MREG: variants seen among roughly 807,000 people sequenced by gnomAD.
MREG encodes the protein melanoregulin, also known as dilute suppressor protein homolog.
Under a neutral mutation model 28.5 loss-of-function variants are expected in MREG, and 31 were observed. The observed-to-expected ratio is 1.09, with a 90% CI of 0.82 to 1.47. The LOEUF is 1.47. MREG is among the 40% of genes most tolerant of loss of function. The probability of loss-of-function intolerance (pLI) is 0.00; values close to 1 mark genes in which losing one functional copy is unlikely to be tolerated. For missense variants in MREG, 256 were observed against 257.4 expected (o/e 0.99, Z 0.04); for synonymous variants, 106 against 95.2 (o/e 1.11, Z -0.66).
intron 2 of MREG, among the ~76,000 whole-genome samples, chr2:215,973,020 T>G (rs546776417): frequency 1.3e-5 from 2 of 152,210 alleles, no homozygotes; most frequent in South Asian, 4.2e-4. Flanking sequence ...AATATGAGTG[T>G]TGGGGTCCTT....
At chr2:216,002,177 T>C (rs749487894) in intron 1 of MREG, among the ~76,000 whole-genome samples, 9 of 152,142 alleles carry the variant, frequency 5.9e-5, no homozygotes, top group Non-Finnish European at 1.2e-4. Flanking sequence ...TAAGCTGCTT[T>C]TACTCTCAAA....
At chr2:215,964,388 G>A (rs1692879045) in intron 2 of MREG, among the ~76,000 whole-genome samples, 1 of 152,080 alleles carries the variant, frequency 6.6e-6, no homozygotes, top group Non-Finnish European at 1.5e-5. Flanking sequence ...GGAGGCCGAG[G>A]CACCAGAATC....
downstream of MREG, among the ~76,000 whole-genome samples, chr2:215,939,860 CACT>C (rs1395703510): frequency 4.6e-5 from 7 of 152,124 alleles, no homozygotes; most frequent in South Asian, 2.1e-4. Context: ...GCATAATTCA[CACT>C]ACATGTTTAA....
intron 1 of MREG, among the ~76,000 whole-genome samples, chr2:216,022,801 A>C (rs530338794): frequency 7.2e-5 from 11 of 152,364 alleles, no homozygotes; most frequent in Admixed American, 3.3e-4. Context: ...ATTAAACTCT[A>C]AGAAGCAGAA....
At chr2:215,988,390 T>C (rs7567735) in intron 2 of MREG, among the ~76,000 whole-genome samples, 145,730 of 152,268 alleles carry the variant, frequency 0.96, 69,800 homozygotes, top group African/African-American at 0.97. Context: ...ACATGGACTA[T>C]GCAAGCTGCA....
chr2:215,971,805 C>A (rs1005083731), intron 2 of MREG, among the ~76,000 whole-genome samples: 3 of 152,150 alleles, frequency 2.0e-5, no homozygotes, highest in Non-Finnish European at 4.4e-5. Context: ...CAAGAAAAGA[C>A]CTTTCAAAAC....
At chr2:215,951,185 T>C (rs1692474619) in intron 2 of MREG, among the ~76,000 whole-genome samples, 1 of 152,208 alleles carries the variant, frequency 6.6e-6, no homozygotes, top group Non-Finnish European at 1.5e-5. Context: ...CCTCAGGTGG[T>C]TCTTTATAGC....
At chr2:216,008,156 T>C (rs1694211001) in intron 1 of MREG, among the ~76,000 whole-genome samples, 1 of 152,006 alleles carries the variant, frequency 6.6e-6, no homozygotes, top group Non-Finnish European at 1.5e-5. Context: ...AATGGTTTAG[T>C]TTGAGTCACG....
chr2:215,958,004 G>C (rs1266064973), intron 2 of MREG, among the ~76,000 whole-genome samples: 1 of 151,310 alleles, frequency 6.6e-6, no homozygotes, highest in African/African-American at 2.4e-5. Context: ...ACTATCGCAA[G>C]GACAAAAAAC....
chr2:215,995,308 C>T (rs1290998882), intron 2 of MREG, among the ~76,000 whole-genome samples: 1 of 152,176 alleles, frequency 6.6e-6, no homozygotes, highest in Non-Finnish European at 1.5e-5. Context: ...CGGCCCTTCC[C>T]CCATCCTGTG....
chr2:216,030,996 T>C (rs916575037), intron 1 of MREG, among the ~76,000 whole-genome samples: 1 of 143,112 alleles, frequency 7.0e-6, no homozygotes, highest in Middle Eastern at 3.6e-3. Context: ...ACACACACAC[T>C]CTGTCCCTGC....
At chr2:215,990,719 A>G (rs1462323655) in intron 2 of MREG, among the ~76,000 whole-genome samples, 3 of 152,222 alleles carry the variant, frequency 2.0e-5, no homozygotes, top group Non-Finnish European at 4.4e-5. Context: ...AGCAAATGGA[A>G]AGCAAAAAAA....
chr2:216,011,229 G>A (rs1420477656), intron 1 of MREG, among the ~76,000 whole-genome samples: 2 of 151,858 alleles, frequency 1.3e-5, no homozygotes, highest in Non-Finnish European at 2.9e-5. Context: ...CAGATGCCTT[G>A]TATAGGAAAG....
At position 215,944,937 on chromosome 2, in the gene MREG, G is replaced by A. The variant is rs776040531; in HGVS notation, c.571C>T (p.Pro191Ser). The A allele has an allele frequency of 6.2e-7, 1 of 1,608,156 alleles. No homozygotes were observed. Among genetic ancestry groups the A allele is most frequent in the East Asian group, 2.2e-5 (1 of 44,770 alleles). Residue 191 changes from proline (P) to serine (S), a missense_variant, in exon 5 of 5, where the codon CCC becomes TCC. Pro to Ser is a moderately conservative substitution (Grantham distance 74). Transcript: ENST00000263268. ...AGGCATGGAACCCCAGGCTTCTTGG[G>A]GTAAGTTCGACGAGCAAGCTTAAAG... The part of the protein sequence containing the change: ...EFFKLARRTY[P>S]KKPGVPCLAD...
At chr2:215,945,201 T>A (rs1389625909) in intron 4 of MREG, among the ~76,000 whole-genome samples, 3 of 152,362 alleles carry the variant, frequency 2.0e-5, no homozygotes, top group African/African-American at 4.8e-5. Context: ...TCCCCACTCC[T>A]TAGCGTCCTT....
At chr2:215,964,055 C>T (rs552818738) in intron 2 of MREG, among the ~76,000 whole-genome samples, 4 of 151,996 alleles carry the variant, frequency 2.6e-5, no homozygotes, top group Non-Finnish European at 5.9e-5. Flanking sequence ...AAAAGACTTC[C>T]AAGACAACAG....
intron 1 of MREG, among the ~76,000 whole-genome samples, chr2:216,026,514 C>T (rs1359109282): frequency 6.6e-6 from 1 of 152,080 alleles, no homozygotes; most frequent in East Asian, 1.9e-4. Flanking sequence ...GCATGCGCCA[C>T]CATGCCCAGC....
At chr2:215,972,418 G>A (rs1693124063) in intron 2 of MREG, among the ~76,000 whole-genome samples, 1 of 152,100 alleles carries the variant, frequency 6.6e-6, no homozygotes, top group Admixed American at 6.6e-5. Flanking sequence ...CGAGGCAAGT[G>A]GATCACTTGA....
chr2:215,992,602 T>C (rs1010365910), intron 2 of MREG, among the ~76,000 whole-genome samples: 22 of 152,308 alleles, frequency 1.4e-4, no homozygotes, highest in Admixed American at 5.2e-4. Context: ...GGTATTCAAA[T>C]AGGAAGAGAG....
Sources: gnomAD v4.1 joint callset for allele counts (sites outside exome capture counted in the v4.1 genomes callset) on GRCh38, gnomAD v4.1.1 for gene constraint, MANE v1.5 for transcripts, NCBI Gene and HGNC (gene_info 2026-07-23, HGNC 2026-07-21) for gene names.